Variants in EEFSEC observed in about 807,000 individuals in gnomAD.
EEFSEC encodes the protein eukaryotic elongation factor, selenocysteine-tRNA specific.
Under a neutral mutation model 42.1 loss-of-function variants are expected in EEFSEC, and 43 were observed. The observed-to-expected ratio is 1.02, with a 90% CI of 0.80 to 1.32. The LOEUF (loss-of-function observed/expected upper bound fraction) is 1.32. Among genes scored for constraint, EEFSEC ranks in the 40% most tolerant of loss-of-function variants. EEFSEC has a pLI of 0.00. For synonymous variants in EEFSEC, 354 were observed against 339.1 expected, an observed-to-expected ratio of 1.04 and a Z score of -0.48; for missense variants, 745 against 803.6, an observed-to-expected ratio of 0.93 and a Z score of 0.88.
At chr3:128,163,086 C>T (rs1419059988) in intron 1 of EEFSEC, among the ~76,000 whole-genome samples, 1 of 152,146 alleles carries the variant, frequency 6.6e-6, no homozygotes, top group East Asian at 1.9e-4. Flanking sequence ...GAGCCTCAAC[C>T]AGGCTGGGGA....
intron 4 of EEFSEC, among the ~76,000 whole-genome samples, chr3:128,309,852 TC>T (rs977161669): frequency 1.3e-5 from 2 of 152,196 alleles, no homozygotes; most frequent in Non-Finnish European, 2.9e-5. Flanking sequence ...GCCTCAGAGT[TC>T]CCCACTCTCC....
At position 128,197,348 on chromosome 3, in the gene EEFSEC, G is replaced by A. The variant is rs145354781; in HGVS notation, c.316+43525G>A. On this transcript the variant is annotated intron_variant, in intron 1 of 6. Coordinates refer to ENST00000254730, the MANE Select transcript of EEFSEC (RefSeq NM_021937.5). ...TGCAGTGGTGCGATCTCGGCTCACT[G>A]CAACCTCTGCTTTCCGGGTTCCAGC... 7.8e-3 allele frequency among the ~76,000 whole-genome samples: 1,184 copies of A among 152,286 alleles called. 20 individuals carry two copies. Among genetic ancestry groups the A allele is most frequent in the South Asian group, 0.076 (368 of 4,826 alleles).
chr3:128,282,097 G>T (rs969187137), intron 4 of EEFSEC, among the ~76,000 whole-genome samples: 11 of 152,226 alleles, frequency 7.2e-5, no homozygotes, highest in African/African-American at 2.7e-4. Context: ...GCCCACCAGG[G>T]CCCAGAGGAG....
intron 6 of EEFSEC, among the ~76,000 whole-genome samples, chr3:128,359,027 G>A (rs1020179487): frequency 6.6e-6 from 1 of 152,174 alleles, no homozygotes; most frequent in Non-Finnish European, 1.5e-5. Context: ...GTTGTAGGAA[G>A]GTACAAACAA....
downstream of EEFSEC, among the ~76,000 whole-genome samples, chr3:128,411,811 C>T (rs2068175874): frequency 6.6e-6 from 1 of 152,212 alleles, no homozygotes; most frequent in African/African-American, 2.4e-5. Flanking sequence ...CCCTGGGGGC[C>T]TGGGGCAGGA....
At chr3:128,394,543 CT>C (rs2067957699) in intron 6 of EEFSEC, among the ~76,000 whole-genome samples, 1 of 152,168 alleles carries the variant, frequency 6.6e-6, no homozygotes. Flanking sequence ...TAAGCTCTAC[CT>C]TTTAAACCAG....
At chr3:128,356,147 T>G (rs1207282700) in intron 5 of EEFSEC, among the ~76,000 whole-genome samples, 2 of 152,248 alleles carry the variant, frequency 1.3e-5, no homozygotes, top group Admixed American at 1.3e-4. Context: ...TAGGCTCTTA[T>G]AGGAATAAAA....
chr3:128,182,835 T>A (rs577931324), intron 1 of EEFSEC, among the ~76,000 whole-genome samples: 1 of 127,144 alleles, frequency 7.9e-6, no homozygotes, highest in East Asian at 2.7e-4. Context: ...TGGCGACCAC[T>A]GTGGCTTTGG....
At chr3:128,360,809 A>C (rs924798190) in intron 6 of EEFSEC, among the ~76,000 whole-genome samples, 50 of 152,016 alleles carry the variant, frequency 3.3e-4, no homozygotes, top group Admixed American at 2.9e-3. Context: ...GTCAATGTTG[A>C]CTTTTTAGTC....
intron 4 of EEFSEC, 147 bp downstream of exon 4, chr3:128,264,928 C>A: frequency 2.2e-6 from 2 of 919,444 alleles, no homozygotes; most frequent in Non-Finnish European, 3.2e-6. Flanking sequence ...CCTCTGGCTG[C>A]CTGGCCCCGC....
At chr3:128,329,610 C>G (rs1443309688) in intron 4 of EEFSEC, among the ~76,000 whole-genome samples, 1 of 152,224 alleles carries the variant, frequency 6.6e-6, no homozygotes, top group Non-Finnish European at 1.5e-5. Flanking sequence ...AGGAAGCCAG[C>G]TCTGCCCAGG....
intron 6 of EEFSEC, among the ~76,000 whole-genome samples, chr3:128,359,303 G>C (rs1323989981): frequency 6.6e-6 from 1 of 152,178 alleles, no homozygotes. Context: ...GAGGTGTGCA[G>C]GACATAGGCC....
intron 2 of EEFSEC, among the ~76,000 whole-genome samples, chr3:128,257,367 C>T (rs922746095): frequency 6.6e-6 from 1 of 152,180 alleles, no homozygotes; most frequent in African/African-American, 2.4e-5. Flanking sequence ...AGGGGCTCCA[C>T]GGCTTTGTTC....
intron 4 of EEFSEC, chr3:128,336,760 T>TC (rs1250444114): frequency 6.6e-6 from 1 of 152,286 alleles, no homozygotes; most frequent in East Asian, 1.9e-4. Flanking sequence ...CATCCTTTTT[T>TC]CTCACAGTAC....
chr3:128,189,290 A>T (rs965640781), intron 1 of EEFSEC, among the ~76,000 whole-genome samples: 2 of 152,230 alleles, frequency 1.3e-5, no homozygotes, highest in African/African-American at 4.8e-5. Flanking sequence ...GCTTAGGTCA[A>T]TGATGGAAGG....
At chr3:128,386,482 G>GGGGC (rs747296492) in intron 6 of EEFSEC, among the ~76,000 whole-genome samples, 4 of 151,296 alleles carry the variant, frequency 2.6e-5, no homozygotes, top group Non-Finnish European at 5.9e-5. Context: ...ACAGGCAGTG[G>GGGGC]GGGGGGGATG....
intron 1 of EEFSEC, among the ~76,000 whole-genome samples, chr3:128,197,978 T>C (rs2065603497): frequency 3.3e-5 from 5 of 152,216 alleles, no homozygotes; most frequent in Non-Finnish European, 7.3e-5. Context: ...GTGACTTTAA[T>C]CTTTAAGCCT....
intron 4 of EEFSEC, among the ~76,000 whole-genome samples, chr3:128,307,953 G>A (rs1001386493): frequency 6.6e-6 from 1 of 152,244 alleles, no homozygotes; most frequent in Non-Finnish European, 1.5e-5. Context: ...GCTTGTTGGA[G>A]CTCTGTGAGG....
intron 1 of EEFSEC, among the ~76,000 whole-genome samples, chr3:128,234,502 CCAGA>C (rs1336950354): frequency 2.6e-5 from 4 of 152,192 alleles, no homozygotes; most frequent in African/African-American, 9.7e-5. Context: ...TTGGGTACAG[CCAGA>C]CAGAGACTTA....
Sources: gnomAD v4.1 joint callset for allele counts (sites outside exome capture counted in the v4.1 genomes callset) on GRCh38, gnomAD v4.1.1 for gene constraint, MANE v1.5 for transcripts, NCBI Gene and HGNC (gene_info 2026-07-23, HGNC 2026-07-21) for gene names.